DCLK1: variants seen among roughly 807,000 people sequenced by gnomAD.
DCLK1 encodes doublecortin like kinase 1.
Under a neutral mutation model 86.2 loss-of-function variants are expected in DCLK1, and 16 were observed. The ratio of observed to expected loss-of-function variants is 0.19; its 90% CI spans 0.13 to 0.28. The LOEUF (loss-of-function observed/expected upper bound fraction) is 0.28, where lower values mean the gene tolerates loss of function less well. Among genes scored for constraint, DCLK1 ranks in the 10% least tolerant of loss-of-function variants. The pLI is 1.00. For synonymous variants in DCLK1, 369 were observed against 370.5 expected (o/e 1.00, Z 0.05); for missense variants, 590 against 940.2 (o/e 0.63, Z 4.87).
chr13:35,781,862 T>C (rs1396454529), intron 16 of DCLK1, among the ~76,000 whole-genome samples: 1 of 152,246 alleles, frequency 6.6e-6, no homozygotes, highest in Non-Finnish European at 1.5e-5. Context: ...GGAAATGTTT[T>C]GCTTGCTAGT....
At chr13:35,887,941 T>C (rs923637294) in intron 4 of DCLK1, among the ~76,000 whole-genome samples, 1 of 116,386 alleles carries the variant, frequency 8.6e-6, no homozygotes, top group Non-Finnish European at 1.8e-5. Context: ...TGTTCACACA[T>C]ACATATGCAA....
At chr13:35,787,809 C>T (rs1216725417) in intron 16 of DCLK1, 4 of 264,170 alleles carry the variant, frequency 1.5e-5, no homozygotes, top group Admixed American at 5.3e-5. Flanking sequence ...GGCTTGATGA[C>T]TTTAAAATGA....
intron 3 of DCLK1, among the ~76,000 whole-genome samples, chr13:36,101,119 G>A (rs1043766298): frequency 3.9e-5 from 6 of 152,144 alleles, no homozygotes; most frequent in Admixed American, 2.6e-4. Context: ...GAAGACACCC[G>A]GAAGCAGCAC....
At chr13:35,910,622 T>C (rs1053946939) in intron 4 of DCLK1, among the ~76,000 whole-genome samples, 1 of 152,140 alleles carries the variant, frequency 6.6e-6, no homozygotes, top group Non-Finnish European at 1.5e-5. Context: ...ATCCCACAGG[T>C]TTCTCTTTGA....
intron 3 of DCLK1, among the ~76,000 whole-genome samples, chr13:36,040,230 T>G (rs773012645): frequency 6.6e-6 from 1 of 151,368 alleles, no homozygotes; most frequent in Non-Finnish European, 1.5e-5. Flanking sequence ...AGGATCTCCT[T>G]TATGACACCA....
intron 6 of DCLK1, 81 bp downstream of exon 6, chr13:35,854,418 C>T: frequency 8.8e-7 from 1 of 1,138,166 alleles, no homozygotes; most frequent in South Asian, 2.1e-5. Context: ...TAGAGACGAG[C>T]AGCACGATTT....
intron 3 of DCLK1, among the ~76,000 whole-genome samples, chr13:35,999,667 A>C (rs765584557): frequency 6.6e-6 from 1 of 152,180 alleles, no homozygotes; most frequent in Non-Finnish European, 1.5e-5. Flanking sequence ...AAAGAGAGCT[A>C]TTATGAGGCT....
intron 4 of DCLK1, among the ~76,000 whole-genome samples, chr13:35,939,245 G>C (rs149321691): frequency 6.6e-6 from 1 of 152,090 alleles, no homozygotes; most frequent in Non-Finnish European, 1.5e-5. Context: ...ACAGACAAAA[G>C]CTCCCAAACC....
intron 4 of DCLK1, among the ~76,000 whole-genome samples, chr13:35,891,798 C>T (rs1012744488): frequency 6.6e-6 from 1 of 152,122 alleles, no homozygotes; most frequent in Non-Finnish European, 1.5e-5. Context: ...GTGGATTCAT[C>T]GTCTGAGGCC....
At chr13:35,911,127 C>CAAA (rs60440999) in intron 4 of DCLK1, among the ~76,000 whole-genome samples, 1,692 of 122,158 alleles carry the variant, frequency 0.014, 24 homozygotes, top group South Asian at 0.026. Flanking sequence ...ACTAAAAATA[C>CAAA]AAAAAAAAAA....
At chr13:36,091,952 A>G (rs111929172) in intron 3 of DCLK1, among the ~76,000 whole-genome samples, 1,919 of 152,306 alleles carry the variant, frequency 0.013, 45 homozygotes, top group African/African-American at 0.044. Context: ...TTCCTAGCCC[A>G]GGGCAATGTT....
intron 3 of DCLK1, among the ~76,000 whole-genome samples, chr13:35,971,686 C>T (rs560716964): frequency 5.9e-5 from 9 of 151,790 alleles, no homozygotes; most frequent in Non-Finnish European, 1.2e-4. Context: ...TCTCTTGAAC[C>T]TGGGAGGCAG....
rs532805036 is a variant in DCLK1, at chr13:35,928,274, G to A, written c.823+19084C>T. On this transcript the variant is annotated intron_variant, in intron 4 of 16. Transcript: ENST00000360631. ...ATGAAGTCTGGGCCGACTCCTGGTA[G>A]TTGGTGTTGGAACTGCCCTCAGCAC... is the stretch of plus-strand genomic sequence containing the variant. Among the ~76,000 whole-genome samples the A allele has an allele frequency of 3.9e-5, 6 of 152,272 alleles. 1 individual carries two copies. In the Middle Eastern group the frequency reaches 0.017, roughly 432 times the overall value.
intron 3 of DCLK1, 145 bp from the exon 4 acceptor site, chr13:35,947,602 G>T: frequency 1.8e-6 from 1 of 548,654 alleles, no homozygotes; most frequent in East Asian, 3.0e-5. Flanking sequence ...TCAAAAGAGG[G>T]GTTCGAGCAT....
At chr13:35,948,111 G>C (rs190248366) in intron 3 of DCLK1, among the ~76,000 whole-genome samples, 89 of 152,272 alleles carry the variant, frequency 5.8e-4, no homozygotes, top group Non-Finnish European at 1.1e-3. Flanking sequence ...GCAACCTTTT[G>C]ATATTTACTC....
At chr13:36,089,834 T>G (rs1486499385) in intron 3 of DCLK1, among the ~76,000 whole-genome samples, 3 of 152,232 alleles carry the variant, frequency 2.0e-5, no homozygotes, top group African/African-American at 7.2e-5. Flanking sequence ...GAAGTGTTGA[T>G]GGCACTTTGA....
intron 3 of DCLK1, among the ~76,000 whole-genome samples, chr13:36,079,720 G>A (rs1329009355): frequency 4.6e-5 from 7 of 152,008 alleles, no homozygotes; most frequent in African/African-American, 1.5e-4. Flanking sequence ...TTAGAGCAAG[G>A]AAAACGAATT....
chr13:35,968,992 T>C (rs1288803520), intron 3 of DCLK1, among the ~76,000 whole-genome samples: 5 of 152,074 alleles, frequency 3.3e-5, no homozygotes, highest in Admixed American at 2.0e-4. Context: ...AAGCACAACC[T>C]CTCCAGCAAA....
chr13:35,839,223 C>A (rs73510458), intron 6 of DCLK1, 47 bp from the exon 7 acceptor site: 1 of 1,518,092 alleles, frequency 6.6e-7, no homozygotes, highest in Non-Finnish European at 9.0e-7. Context: ...GTCAGAATGC[C>A]TGAGTTTCCA....
Sources: allele counts gnomAD v4.1 joint callset (sites outside exome capture counted in the v4.1 genomes callset), GRCh38; gene constraint gnomAD v4.1.1; transcripts MANE v1.5; gene names NCBI Gene and HGNC (gene_info 2026-07-23, HGNC 2026-07-21).